Variants in ZCCHC17 observed in about 807,000 individuals in gnomAD.
ZCCHC17 encodes the protein zinc finger CCHC domain-containing protein 17.
In ZCCHC17, 18 loss-of-function variants were observed where a neutral mutation model predicts 30.6. That is an observed-to-expected ratio of 0.59 (90% CI 0.41 to 0.87). ZCCHC17 has a LOEUF of 0.87. Among genes scored for constraint, ZCCHC17 ranks in the 40% least tolerant of loss-of-function variants. The pLI is 0.00. For synonymous variants in ZCCHC17, 88 were observed against 92.4 expected, an observed-to-expected ratio of 0.95 and a Z score of 0.27; for missense variants, 263 against 284.2, an observed-to-expected ratio of 0.93 and a Z score of 0.54.
intron 3 of ZCCHC17, among the ~76,000 whole-genome samples, chr1:31,336,229 C>T (rs968218874): frequency 7.2e-5 from 11 of 152,010 alleles, no homozygotes; most frequent in East Asian, 1.9e-4. Flanking sequence ...TGCACCACCA[C>T]GCCCAGGTAA....
chr1:31,360,872 G>A (rs1639860618), intron 7 of ZCCHC17, among the ~76,000 whole-genome samples: 1 of 152,156 alleles, frequency 6.6e-6, no homozygotes, highest in Non-Finnish European at 1.5e-5. Context: ...TGACTCTACA[G>A]ACTATTATTG....
chr1:31,343,003 G>C (rs1054500259), intron 5 of ZCCHC17, among the ~76,000 whole-genome samples: 1 of 152,214 alleles, frequency 6.6e-6, no homozygotes, highest in Non-Finnish European at 1.5e-5. Flanking sequence ...TCAAGTACTA[G>C]AATGGAAGGC....
intron 1 of ZCCHC17, among the ~76,000 whole-genome samples, chr1:31,304,272 C>CTTTT (rs5773350): frequency 2.0e-5 from 3 of 146,650 alleles, no homozygotes; most frequent in Non-Finnish European, 4.5e-5. Flanking sequence ...GTTATATACT[C>CTTTT]TTTTTTTTTT....
chr1:31,319,093 T>TC lies in ZCCHC17; in HGVS notation c.67-11dup, dbSNP rs748368127. ...CTCATGTATGTGACATTGATTTTTT[T>TC]CCCCCATCTTTATAGGTTGCTATGG... is the stretch of plus-strand genomic sequence containing the variant. On this transcript the variant is annotated splice_polypyrimidine_tract_variant and intron_variant, in intron 2 of 7. Transcript: ENST00000344147. 1.0e-5 allele frequency: 16 copies of TC among 1,601,512 alleles called. No individual in the cohort carries two copies. In the African/African-American group the frequency reaches 1.5e-4, roughly 15 times the overall value.
intron 3 of ZCCHC17, among the ~76,000 whole-genome samples, chr1:31,323,694 A>C (rs1441846885): frequency 6.6e-6 from 1 of 152,176 alleles, no homozygotes; most frequent in Non-Finnish European, 1.5e-5. Context: ...CACATAGGGC[A>C]GCAAAGTTAT....
intron 4 of ZCCHC17, among the ~76,000 whole-genome samples, chr1:31,338,708 A>G (rs1402649162): frequency 1.3e-5 from 2 of 152,232 alleles, no homozygotes; most frequent in South Asian, 2.1e-4. Context: ...TCCACAAGCC[A>G]TGGATTTTTT....
chr1:31,329,060 C>G (rs1404813819), intron 3 of ZCCHC17, among the ~76,000 whole-genome samples: 1 of 152,132 alleles, frequency 6.6e-6, no homozygotes, highest in Non-Finnish European at 1.5e-5. Context: ...ACTAGTCCAT[C>G]CTGAGGCTAT....
intron 1 of ZCCHC17, among the ~76,000 whole-genome samples, chr1:31,307,802 T>C (rs1400285678): frequency 6.6e-6 from 1 of 152,018 alleles, no homozygotes; most frequent in Non-Finnish European, 1.5e-5. Context: ...CTCGAACTCC[T>C]GACCTCAGAT....
chr1:31,321,612 T>C (rs535171087), intron 3 of ZCCHC17, among the ~76,000 whole-genome samples: 47 of 152,136 alleles, frequency 3.1e-4, no homozygotes, highest in Non-Finnish European at 5.1e-4. Flanking sequence ...GTAGCTGGGA[T>C]TACAGGCATG....
chr1:31,336,233 C>T (rs996146363), intron 3 of ZCCHC17, among the ~76,000 whole-genome samples: 8 of 152,038 alleles, frequency 5.3e-5, no homozygotes, highest in African/African-American at 1.9e-4. Context: ...CCACCACGCC[C>T]AGGTAATTTT....
intron 3 of ZCCHC17, among the ~76,000 whole-genome samples, chr1:31,330,984 A>C (rs1244213178): frequency 1.3e-5 from 2 of 152,212 alleles, no homozygotes; most frequent in East Asian, 3.8e-4. Flanking sequence ...TTTCAGCCAT[A>C]GATAGAAATA....
chr1:31,319,809 A>G (rs921566760), intron 3 of ZCCHC17, among the ~76,000 whole-genome samples: 3 of 152,152 alleles, frequency 2.0e-5, no homozygotes, highest in Admixed American at 2.0e-4. Flanking sequence ...CTGCTGGTGG[A>G]TCCAAAGATT....
At position 31,364,446 on chromosome 1, in the gene ZCCHC17, A is replaced by G; in HGVS notation, c.*253A>G. The G allele has an allele frequency of 1.9e-6, 1 of 524,726 alleles. No individual in the cohort carries two copies. Among genetic ancestry groups the G allele is most frequent in the East Asian group, 3.1e-5 (1 of 31,768 alleles). The allele number at this position is 524,726 out of a possible 1,614,324, so 32.5% of individuals were successfully genotyped here. On this transcript the variant is annotated 3_prime_UTR_variant, in exon 8 of 8. Transcript: ENST00000344147. ...AACCCTGCAGCTCACCCATTCATTCACCCAACTTCCTTCATTCAGCAGGAG... is the reference window on the plus strand; with the variant it reads ...AACCCTGCAGCTCACCCATTCATTCGCCCAACTTCCTTCATTCAGCAGGAG...
chr1:31,312,002 A>C (rs1646616532), intron 2 of ZCCHC17, among the ~76,000 whole-genome samples: 1 of 152,176 alleles, frequency 6.6e-6, no homozygotes, highest in Non-Finnish European at 1.5e-5. Flanking sequence ...CCTCCAAAGG[A>C]CACAGGAATA....
chr1:31,334,283 A>T (rs1315088863), intron 3 of ZCCHC17, among the ~76,000 whole-genome samples: 1 of 147,356 alleles, frequency 6.8e-6, no homozygotes, highest in Non-Finnish European at 1.5e-5. Flanking sequence ...AGTTTCAGGC[A>T]TCTGCAGGCA....
chr1:31,339,041 A>C lies in ZCCHC17; in HGVS notation c.310A>C (p.Ile104Leu). The C allele has an allele frequency of 6.2e-7, 1 of 1,604,428 alleles. No individual in the cohort carries two copies. Among genetic ancestry groups the C allele is most frequent in the Non-Finnish European group, 8.5e-7 (1 of 1,176,990 alleles). Reference sequence around the variant, plus strand: ...GAAAGACCTTGATCCCAACAATGTTATCATTGAGTAAGTAAAAGGTTTGGA... The same window carrying C: ...GAAAGACCTTGATCCCAACAATGTTCTCATTGAGTAAGTAAAAGGTTTGGA... ...TGKDLDPNNV[I>L]IEQEERRRRS... The change falls in exon 5 of 8, where the codon ATC becomes CTC. Residue 104 changes from isoleucine (I) to leucine (L), a missense_variant. Coordinates refer to ENST00000344147, the MANE Select transcript of ZCCHC17 (RefSeq NM_016505.4).
chr1:31,338,969 A>G lies in ZCCHC17; in HGVS notation c.238A>G (p.Arg80Gly), dbSNP rs771696460. Reference sequence around the variant, plus strand: ...TGGTCTCTTTCAGATGAAAAATGATAGAATAAAAGTATCCCTCTCCATGAA... The same window carrying G: ...TGGTCTCTTTCAGATGAAAAATGATGGAATAAAAGTATCCCTCTCCATGAA... ...KLIGREMKND[R>G]IKVSLSMKVV... Residue 80 changes from arginine to glycine, a missense_variant, in exon 5 of 8, where the codon AGA becomes GGA. Arg to Gly is a moderately radical substitution (Grantham distance 125). Coordinates refer to ENST00000344147, the MANE Select transcript of ZCCHC17 (RefSeq NM_016505.4). 4 of 1,606,120 alleles carry G rather than the reference A, an allele frequency of 2.5e-6. No individual in the cohort carries two copies. Among genetic ancestry groups the G allele is most frequent in the Non-Finnish European group, 3.4e-6 (4 of 1,178,048 alleles).
At chr1:31,337,996 G>C (rs140604786) in intron 4 of ZCCHC17, among the ~76,000 whole-genome samples, 262 of 152,202 alleles carry the variant, frequency 1.7e-3, no homozygotes, top group African/African-American at 6.0e-3. Flanking sequence ...TTGAGACAGG[G>C]TCTCTCTTTG....
intron 5 of ZCCHC17, 133 bp downstream of exon 5, chr1:31,339,181 A>G: frequency 1.5e-6 from 1 of 676,518 alleles, no homozygotes; most frequent in Admixed American, 3.4e-5. Context: ...AACCTTTGCA[A>G]TCTTTGGTTT....
Sources: allele counts gnomAD v4.1 joint callset (sites outside exome capture counted in the v4.1 genomes callset), GRCh38; gene constraint gnomAD v4.1.1; transcripts MANE v1.5; gene names NCBI Gene and HGNC (gene_info 2026-07-23, HGNC 2026-07-21).